The following OIT3 variants were observed in gnomAD, a reference collection of about 807,000 sequenced individuals.
OIT3 encodes the protein oncoprotein-induced transcript 3 protein.
OIT3 carries 41 observed loss-of-function variants against 52.2 expected under a neutral mutation model. That is an observed-to-expected ratio of 0.79 (90% CI 0.61 to 1.02). The LOEUF (loss-of-function observed/expected upper bound fraction) is 1.02. Ranked by LOEUF, OIT3 falls within the 50% of genes least tolerant of loss-of-function variation. The pLI is 0.00. For missense variants in OIT3, 634 were observed against 715.5 expected (o/e 0.89, Z 1.30); for synonymous variants, 244 against 276.9 (o/e 0.88, Z 1.18).
At chr10:72,929,306 C>T (rs1846194890) in intron 7 of OIT3, among the ~76,000 whole-genome samples, 1 of 151,594 alleles carries the variant, frequency 6.6e-6, no homozygotes, top group Admixed American at 6.6e-5. Flanking sequence ...CCACTTTTTT[C>T]CTGGCCCAGA....
chr10:72,920,786 C>T (rs1469469132), intron 6 of OIT3, among the ~76,000 whole-genome samples: 1 of 152,158 alleles, frequency 6.6e-6, no homozygotes, highest in Non-Finnish European at 1.5e-5. Flanking sequence ...GTGCTGTCAT[C>T]TGAGAGCCTG....
chr10:72,906,608 G>A lies in OIT3; in HGVS notation c.557G>A (p.Cys186Tyr), dbSNP rs1334451525. ...DRQTCFDENECEQNNGGCSEI... is the reference protein window; with the variant it reads ...DRQTCFDENEYEQNNGGCSEI... ...TTCTCTTCTGCAGATGAAAATGAAT[G>A]TGAGCAAAACAACGGTGGCTGCAGT... is the stretch of plus-strand genomic sequence containing the variant. Residue 186 changes from cysteine to tyrosine, a missense_variant, in exon 4 of 9, where the codon TGT becomes TAT. Physicochemically the swap from Cys to Tyr is radical, Grantham distance 194. Transcript: ENST00000334011. The A allele has an allele frequency of 6.2e-7, 1 of 1,613,964 alleles. No homozygotes were observed. Among genetic ancestry groups the A allele is most frequent in the Admixed American group, 1.7e-5 (1 of 60,010 alleles).
rs1049058182 is a variant in OIT3 at position 72,900,574 on chromosome 10, C to G, written c.544+90C>G. The G allele has an allele frequency of 4.3e-6, 3 of 693,476 alleles. No homozygotes were observed. In the African/African-American group the frequency reaches 5.4e-5, roughly 12 times the overall value. The allele number at this position is 693,476 out of a possible 1,614,324, so 43.0% of individuals were successfully genotyped here. On this transcript the variant is annotated intron_variant, in intron 3 of 8. Coordinates refer to ENST00000334011, the MANE Select transcript of OIT3 (RefSeq NM_152635.3). Reference sequence around the variant, plus strand: ...CTGCCTCAGAGCACCATCATTTTCCCAGTGTGTGTCTCCAAACACTTGGAA... The same window carrying G: ...CTGCCTCAGAGCACCATCATTTTCCGAGTGTGTGTCTCCAAACACTTGGAA...
At chr10:72,927,156 T>C (rs573496177) in intron 7 of OIT3, among the ~76,000 whole-genome samples, 2 of 152,326 alleles carry the variant, frequency 1.3e-5, no homozygotes, top group African/African-American at 4.8e-5. Flanking sequence ...ATTTCCTTTT[T>C]GAGACAGAGT....
At chr10:72,926,353 A>G (rs1846169914) in intron 7 of OIT3, among the ~76,000 whole-genome samples, 1 of 152,204 alleles carries the variant, frequency 6.6e-6, no homozygotes, top group Non-Finnish European at 1.5e-5. Context: ...TTTAACAAAT[A>G]GCAATGCCCC....
intron 7 of OIT3, among the ~76,000 whole-genome samples, chr10:72,924,990 A>C (rs1202667544): frequency 1.3e-5 from 2 of 151,994 alleles, no homozygotes; most frequent in Admixed American, 1.3e-4. Context: ...AGGCACCTGT[A>C]ATCCCAGCTA....
At chr10:72,926,510 A>G (rs1172379018) in intron 7 of OIT3, among the ~76,000 whole-genome samples, 2 of 152,194 alleles carry the variant, frequency 1.3e-5, no homozygotes, top group Non-Finnish European at 2.9e-5. Flanking sequence ...GATCCATTCA[A>G]ACAAAATATG....
At chr10:72,913,261 C>A (rs371780429) in intron 5 of OIT3, 47 bp from the exon 6 acceptor site, 215 of 1,478,640 alleles carry the variant, frequency 1.5e-4, no homozygotes, top group Admixed American at 2.8e-4. Context: ...AAGCCTTCCT[C>A]CCGATTCAGG....
intron 3 of OIT3, among the ~76,000 whole-genome samples, chr10:72,905,532 T>G (rs1482576176): frequency 6.6e-6 from 1 of 152,102 alleles, no homozygotes; most frequent in Non-Finnish European, 1.5e-5. Context: ...AGCACCTGGT[T>G]TGAGGAAGTT....
intron 1 of OIT3, among the ~76,000 whole-genome samples, chr10:72,895,587 G>A (rs1431133679): frequency 6.6e-6 from 1 of 152,320 alleles, no homozygotes; most frequent in East Asian, 1.9e-4. Context: ...CAGGAAAGGA[G>A]GGGCACTTCC....
rs138719219 is a variant in OIT3, at chr10:72,924,234, G to A, written c.957G>A (p.Val319=). ...LKTCGTVVDV[V]NDKIVASNLV... The stretch of plus-strand genomic sequence containing the variant: ...CTCACCCTGGCCTGGCTCAGGTGGT[G>A]AATGACAAGATTGTGGCCAGCAACC... Residue 319 remains valine, a synonymous_variant, in exon 7 of 9, where the codon GTG becomes GTA. Transcript: ENST00000334011. The A allele has an allele frequency of 4.3e-4, 685 of 1,591,340 alleles. 3 individuals are homozygous for A. The African/African-American group carries it at 7.6e-3, about 18-fold the overall frequency.
At chr10:72,893,997 CT>C in intron 1 of OIT3, 138 bp downstream of exon 1, 1 of 540,736 alleles carries the variant, frequency 1.8e-6, no homozygotes, top group Non-Finnish European at 3.1e-6. Context: ...CCTAATAATC[CT>C]TGAAAATAGA....
rs992934210 is a variant in OIT3 at position 72,924,544 on chromosome 10, G to A, written c.1267G>A (p.Val423Met). 9.3e-6 allele frequency: 15 copies of A among 1,614,132 alleles called. No individual in the cohort carries two copies. The highest frequency in any genetic ancestry group is 6.7e-5 in the East Asian group (3 of 44,866). ...RDSLYFGIEPVVHVSGLESLV... is the reference protein window; with the variant it reads ...RDSLYFGIEPMVHVSGLESLV... ...CTCCCTCTACTTTGGCATTGAGCCC[G>A]TGGTGCACGTGAGCGGCTTGGAAAG... The change falls in exon 7 of 9, where the codon GTG (valine) becomes ATG (methionine). Residue 423 changes from valine to methionine, a missense_variant. Physicochemically the swap from Val to Met is conservative, Grantham distance 21. Coordinates refer to ENST00000334011, the MANE Select transcript of OIT3 (RefSeq NM_152635.3).
chr10:72,924,917 C>T (rs1273450030), intron 7 of OIT3, among the ~76,000 whole-genome samples: 1 of 151,976 alleles, frequency 6.6e-6, no homozygotes, highest in East Asian at 1.9e-4. Flanking sequence ...TCGAGACCAG[C>T]CTGGCCAACA....
chr10:72,902,940 A>C (rs1436994405), intron 3 of OIT3, among the ~76,000 whole-genome samples: 1 of 152,192 alleles, frequency 6.6e-6, no homozygotes, highest in Non-Finnish European at 1.5e-5. Flanking sequence ...GTAGCATATC[A>C]TTCACATCTC....
At chr10:72,928,003 AATC>A (rs1846184156) in intron 7 of OIT3, among the ~76,000 whole-genome samples, 1 of 152,154 alleles carries the variant, frequency 6.6e-6, no homozygotes, top group Non-Finnish European at 1.5e-5. Context: ...TCTTTATAAT[AATC>A]ATAATTTGGG....
chr10:72,930,432 C>T, intron 7 of OIT3, 106 bp from the exon 8 acceptor site: 1 of 819,774 alleles, frequency 1.2e-6, no homozygotes, highest in South Asian at 1.4e-5. Flanking sequence ...TACAGTCCAG[C>T]CTCCTCCACC....
chr10:72,932,495 G>C lies in OIT3; in HGVS notation c.1609G>C (p.Gly537Arg), dbSNP rs774714278. The change falls in exon 9 of 9, where the codon GGC becomes CGC. Residue 537 changes from glycine (G) to arginine (R), a missense_variant. Physicochemically the swap from Gly to Arg is moderately radical, Grantham distance 125. Coordinates refer to ENST00000334011, the MANE Select transcript of OIT3 (RefSeq NM_152635.3). Reference sequence around the variant, plus strand: ...TCTACAGGGCCAGACGCTAACAGGCGGCCCGATCCGCATCGACTGGGAGGA... The same window carrying C: ...TCTACAGGGCCAGACGCTAACAGGCCGCCCGATCCGCATCGACTGGGAGGA... Reference protein sequence around the residue: ...AGLQGQTLTGGPIRIDWED With the variant: ...AGLQGQTLTGRPIRIDWED The C allele has an allele frequency of 6.2e-7, 1 of 1,611,374 alleles. No homozygotes were observed.
chr10:72,906,574 CA>C lies in OIT3; in HGVS notation c.545-21del, dbSNP rs573713207. The C allele has an allele frequency of 7.2e-4, 1,161 of 1,613,622 alleles. 13 individuals carry two copies. The South Asian group carries it at 0.012, about 17-fold the overall frequency. Reference sequence around the variant, plus strand: ...GCTGAATCACTCAGCAGTATAGAAACAGTGTGGTTTCTCTTCTGCAGATGAA... The same window carrying C: ...GCTGAATCACTCAGCAGTATAGAAACGTGTGGTTTCTCTTCTGCAGATGAA... On this transcript the variant is annotated intron_variant, in intron 3 of 8. Coordinates refer to ENST00000334011, the MANE Select transcript of OIT3 (RefSeq NM_152635.3).
Sources: gnomAD v4.1 joint callset for allele counts (sites outside exome capture counted in the v4.1 genomes callset) on GRCh38, gnomAD v4.1.1 for gene constraint, MANE v1.5 for transcripts, NCBI Gene and HGNC (gene_info 2026-07-23, HGNC 2026-07-21) for gene names.